The following NEBL variants were observed in gnomAD, a reference collection of about 807,000 sequenced individuals.
The protein encoded by NEBL is nebulette, also known as LIM and SH3 protein 2.
NEBL carries 122 observed loss-of-function variants against 140.2 expected under a neutral mutation model. That is an observed-to-expected ratio of 0.87 (90% CI 0.75 to 1.01). The LOEUF is 1.01. Ranked by LOEUF, NEBL falls within the 50% of genes least tolerant of loss-of-function variation. The pLI, the probability that NEBL is intolerant of heterozygous loss-of-function variation, is 0.00. For synonymous variants in NEBL, 436 were observed against 398.9 expected (o/e 1.09, Z -1.11); for missense variants, 1,365 against 1,231.3 (o/e 1.11, Z -1.62).
At chr10:20,886,616 T>C (rs1330272295) in intron 4 of NEBL, among the ~76,000 whole-genome samples, 1 of 152,116 alleles carries the variant, frequency 6.6e-6, no homozygotes, top group East Asian at 1.9e-4. Context: ...TAGCATAGTG[T>C]GTGGTTAAAA....
At chr10:20,986,435 A>G (rs1268033011) in intron 3 of NEBL, among the ~76,000 whole-genome samples, 1 of 152,216 alleles carries the variant, frequency 6.6e-6, no homozygotes, top group African/African-American at 2.4e-5. Context: ...TTTCAATTAG[A>G]TCCTAACTGA....
chr10:20,852,649 G>C lies in NEBL; in HGVS notation c.904C>G (p.Arg302Gly), dbSNP rs149737043. Residue 302 changes from arginine (R) to glycine (G), a missense_variant and splice_region_variant, in exon 10 of 28, where the codon CGA becomes GGA. Around this residue, in one of 2 missense-constraint regions of NEBL, gnomAD observed 1,323 missense variants for 1,154.8 expected, o/e 1.15. Coordinates refer to ENST00000377122, the MANE Select transcript of NEBL (RefSeq NM_006393.3). Reference sequence around the variant, plus strand: ...TCCTCAAAGAGCTTTTTATATTCTCGCTAAAATACAGAATGGGGAAATCAA... The same window carrying C: ...TCCTCAAAGAGCTTTTTATATTCTCCCTAAAATACAGAATGGGGAAATCAA... The part of the protein sequence containing the change: ...VLKASKMLSG[R>G]EYKKLFEENK... 17 of 1,599,632 alleles carry C rather than the reference G, an allele frequency of 1.1e-5. 1 individual carries two copies. The Admixed American group carries it at 2.7e-4, about 25-fold the overall frequency.
At chr10:21,157,100 G>A (rs1840363523) in intron 2 of NEBL, among the ~76,000 whole-genome samples, 1 of 152,144 alleles carries the variant, frequency 6.6e-6, no homozygotes, top group Non-Finnish European at 1.5e-5. Flanking sequence ...TGAAAGAAGA[G>A]AAGGTTATTA....
intron 2 of NEBL, among the ~76,000 whole-genome samples, chr10:21,082,610 A>G (rs948380002): frequency 6.6e-6 from 1 of 151,528 alleles, no homozygotes. Flanking sequence ...CAACTCAGCA[A>G]TGGGCTATTT....
At chr10:21,160,297 G>A (rs574733562) in intron 2 of NEBL, among the ~76,000 whole-genome samples, 38 of 152,114 alleles carry the variant, frequency 2.5e-4, no homozygotes, top group African/African-American at 8.2e-4. Flanking sequence ...TGCTTTTTAC[G>A]GGCCACTCAG....
intron 1 of NEBL, among the ~76,000 whole-genome samples, chr10:21,283,480 T>C (rs1843017051): frequency 1.3e-5 from 2 of 152,260 alleles, no homozygotes; most frequent in South Asian, 4.1e-4. Context: ...CCCCCTGAAT[T>C]ATTTGTTGCG....
chr10:20,858,360 G>A lies in NEBL; in HGVS notation c.799-16C>T. ...TGTACTTCACCTATGAAAATAACATGGAACAAAATACCATCGAGGAGAAGA... is the reference window on the plus strand; with the variant it reads ...TGTACTTCACCTATGAAAATAACATAGAACAAAATACCATCGAGGAGAAGA... On this transcript the variant is annotated splice_polypyrimidine_tract_variant and intron_variant, in intron 8 of 27. Coordinates refer to ENST00000377122, the MANE Select transcript of NEBL (RefSeq NM_006393.3). 2 of 1,525,132 alleles carry A rather than the reference G, an allele frequency of 1.3e-6. No homozygotes were observed. Among genetic ancestry groups the A allele is most frequent in the South Asian group, 1.1e-5 (1 of 89,272 alleles). 94.5% of individuals were successfully genotyped at this position (1,525,132 alleles called of 1,614,324 possible).
At chr10:20,823,372 T>C (rs1489441852) in intron 18 of NEBL, 72 bp from the exon 19 acceptor site, 5 of 1,082,150 alleles carry the variant, frequency 4.6e-6, no homozygotes, top group African/African-American at 3.2e-5. Context: ...AATTCTTCAA[T>C]TGTAACTATT....
Position 21,160,563 on chromosome 10 carries a change from G to A in NEBL, c.164+11820C>T, listed in dbSNP as rs2132152047. Among the ~76,000 whole-genome samples the A allele has an allele frequency of 1.5e-5, 2 of 137,830 alleles. 1 individual carries two copies. The highest frequency in any genetic ancestry group is 1.6e-4 in the Admixed American group (2 of 12,328). 90.4% of individuals were successfully genotyped at this position (137,830 alleles called of 152,430 possible). A position where few individuals can be genotyped will look rare whatever the true frequency, so the allele number is the denominator to read the frequency against. ...ATTTTTAAATAGAATTCCCCTTAATGTTAAGAGAATCAGAGAACTACGTCA... is the reference window on the plus strand; with the variant it reads ...ATTTTTAAATAGAATTCCCCTTAATATTAAGAGAATCAGAGAACTACGTCA... On this transcript the variant is annotated intron_variant, in intron 2 of 6. Transcript: ENST00000417816.
intron 4 of NEBL, among the ~76,000 whole-genome samples, chr10:20,911,740 T>C (rs1157718145): frequency 6.6e-6 from 1 of 152,334 alleles, no homozygotes; most frequent in Non-Finnish European, 1.5e-5. Flanking sequence ...TTCATGACTA[T>C]GTGTTCCAAA....
At chr10:20,911,959 A>G (rs1337577953) in intron 4 of NEBL, among the ~76,000 whole-genome samples, 1 of 152,260 alleles carries the variant, frequency 6.6e-6, no homozygotes, top group African/African-American at 2.4e-5. Flanking sequence ...TTGACTCAAT[A>G]TAAGAAAAAT....
At chr10:21,229,329 G>C (rs186362568) in intron 3 of NEBL, among the ~76,000 whole-genome samples, 16 of 152,276 alleles carry the variant, frequency 1.1e-4, no homozygotes, top group Admixed American at 1.0e-3. Flanking sequence ...ACTGACGTGG[G>C]AGAATCACTT....
In NEBL at chr10:20,888,085, G is replaced by A. The variant is rs891166324; in HGVS notation, c.369+12C>T. The A allele has an allele frequency of 1.9e-5, 29 of 1,560,574 alleles. No individual in the cohort carries two copies. Among genetic ancestry groups the A allele is most frequent in the Non-Finnish European group, 2.4e-5 (27 of 1,131,448 alleles). ...ATCTACAAAATCATGAAACACTTTA[G>A]AAAAACCCTACCTCACTCTGGAGCT... On this transcript the variant is annotated intron_variant, in intron 4 of 27. Transcript: ENST00000377122.
At chr10:21,072,409 T>A (rs911444012) in intron 2 of NEBL, among the ~76,000 whole-genome samples, 3 of 152,206 alleles carry the variant, frequency 2.0e-5, no homozygotes, top group African/African-American at 7.2e-5. Flanking sequence ...ATTCTGAGGT[T>A]GTAGGTGGAC....
chr10:21,215,475 A>T (rs1286587666), intron 3 of NEBL, among the ~76,000 whole-genome samples: 1 of 152,232 alleles, frequency 6.6e-6, no homozygotes, highest in Non-Finnish European at 1.5e-5. Flanking sequence ...AAACTCATGA[A>T]TGCAAAATGT....
At chr10:21,091,918 C>A (rs1836932796) in intron 2 of NEBL, among the ~76,000 whole-genome samples, 1 of 152,236 alleles carries the variant, frequency 6.6e-6, no homozygotes. Context: ...CGGCAAGAGC[C>A]ACCACGCCCA....
At chr10:21,089,353 T>A (rs1223765220) in intron 2 of NEBL, among the ~76,000 whole-genome samples, 1 of 152,050 alleles carries the variant, frequency 6.6e-6, no homozygotes, top group African/African-American at 2.4e-5. Context: ...ATGAGCATCA[T>A]CAGCTTAGAG....
At chr10:20,847,641 G>C (rs1392494394) in intron 11 of NEBL, among the ~76,000 whole-genome samples, 1 of 152,090 alleles carries the variant, frequency 6.6e-6, no homozygotes, top group African/African-American at 2.4e-5. Context: ...AAGGGAAAGG[G>C]GCAGGGGAGG....
At chr10:21,216,991 G>GA (rs113200768) in intron 3 of NEBL, among the ~76,000 whole-genome samples, 2,623 of 147,406 alleles carry the variant, frequency 0.018, 32 homozygotes, top group Non-Finnish European at 0.027. Context: ...CAGTCTCGAA[G>GA]AAAAAAAAAA....
Sources: allele counts gnomAD v4.1 joint callset (sites outside exome capture counted in the v4.1 genomes callset), GRCh38; gene constraint gnomAD v4.1.1; regional missense constraint gnomAD v4.1.1; transcripts MANE v1.5; gene names NCBI Gene and HGNC (gene_info 2026-07-23, HGNC 2026-07-21).